The following PACS1 variants were observed in gnomAD, a reference collection of about 807,000 sequenced individuals.
The protein encoded by PACS1 is PACS-1.
In PACS1, 24 loss-of-function variants were observed where a neutral mutation model predicts 115.0. That is an observed-to-expected ratio of 0.21 (90% CI 0.15 to 0.29). The LOEUF (loss-of-function observed/expected upper bound fraction) is 0.29, where lower values mean the gene tolerates loss of function less well. PACS1 is among the 10% of genes least tolerant of loss of function. The probability of loss-of-function intolerance (pLI) is 1.00; values close to 1 mark genes in which losing one functional copy is unlikely to be tolerated. For synonymous variants in PACS1, 453 were observed against 504.5 expected, an observed-to-expected ratio of 0.90 and a Z score of 1.37; for missense variants, 838 against 1,251.2, an observed-to-expected ratio of 0.67 and a Z score of 4.98.
At chr11:66,231,182 T>G (rs1437126767) in intron 13 of PACS1, among the ~76,000 whole-genome samples, 1 of 152,262 alleles carries the variant, frequency 6.6e-6, no homozygotes, top group African/African-American at 2.4e-5. Context: ...AAAAACGCTG[T>G]GTGGTCGTGG....
At chr11:66,211,759 T>G (rs1855075778) in intron 4 of PACS1, among the ~76,000 whole-genome samples, 1 of 152,140 alleles carries the variant, frequency 6.6e-6, no homozygotes, top group Non-Finnish European at 1.5e-5. Flanking sequence ...ACACTAACGT[T>G]GAGATAAGAT....
rs546634708 is a variant in PACS1 at position 66,230,798 on chromosome 11, C to G, written c.1491-7C>G. The G allele has an allele frequency of 1.2e-6, 2 of 1,614,080 alleles. No individual in the cohort carries two copies. Among genetic ancestry groups the G allele is most frequent in the African/African-American group, 1.3e-5 (1 of 75,044 alleles). On this transcript the variant is annotated splice_region_variant and splice_polypyrimidine_tract_variant and intron_variant, in intron 12 of 23. Transcript: ENST00000320580. ...ATTTCACCAGCCTTTTTCCACCTCC[C>G]TGGCAGCAAAGTGGAGGGGGTGCAC...
intron 1 of PACS1, among the ~76,000 whole-genome samples, chr11:66,090,073 G>A (rs1466585685): frequency 6.7e-6 from 1 of 150,336 alleles, no homozygotes; most frequent in South Asian, 2.1e-4. Flanking sequence ...CTTCTTTGCC[G>A]GGACTGTGGG....
intron 2 of PACS1, among the ~76,000 whole-genome samples, chr11:66,194,699 G>A (rs1854609809): frequency 6.6e-6 from 1 of 152,136 alleles, no homozygotes; most frequent in African/African-American, 2.4e-5. Flanking sequence ...TAAGGATGGT[G>A]TATTTACTGA....
chr11:66,147,757 AAAAG>A (rs762719772), intron 1 of PACS1, among the ~76,000 whole-genome samples: 1 of 152,130 alleles, frequency 6.6e-6, no homozygotes, highest in East Asian at 1.9e-4. Context: ...AATTGGTACA[AAAAG>A]AAAGAATGAA....
intron 1 of PACS1, chr11:66,100,698 A>G (rs1857897566): frequency 4.7e-6 from 2 of 428,320 alleles, no homozygotes; most frequent in Non-Finnish European, 9.5e-6. Flanking sequence ...GCGGCACTCA[A>G]GTGAGGTGGG....
intron 1 of PACS1, among the ~76,000 whole-genome samples, chr11:66,077,679 C>T (rs1857419559): frequency 6.7e-6 from 1 of 148,884 alleles, no homozygotes; most frequent in East Asian, 2.0e-4. Flanking sequence ...TAATTTTGTG[C>T]AGATCCTTTT....
chr11:66,089,229 C>G (rs886369808), intron 1 of PACS1, among the ~76,000 whole-genome samples: 2 of 152,172 alleles, frequency 1.3e-5, no homozygotes, highest in Non-Finnish European at 2.9e-5. Context: ...AGTGAATTCT[C>G]AATCATTGTG....
At chr11:66,076,002 G>T (rs1455865166) in intron 1 of PACS1, among the ~76,000 whole-genome samples, 2 of 152,196 alleles carry the variant, frequency 1.3e-5, no homozygotes, top group Non-Finnish European at 2.9e-5. Context: ...CTTCCAAAGT[G>T]CTGGGATTAC....
intron 10 of PACS1, among the ~76,000 whole-genome samples, chr11:66,223,149 A>G (rs1018431966): frequency 1.3e-5 from 2 of 151,654 alleles, no homozygotes; most frequent in Non-Finnish European, 2.9e-5. Flanking sequence ...CAGGAGTGCA[A>G]TGGAGCGATC....
chr11:66,070,592 CA>C lies in PACS1; in HGVS notation c.107del (p.Gln36ArgfsTer66). The C allele has an allele frequency of 6.6e-7, 1 of 1,506,696 alleles. No individual in the cohort carries two copies. Among genetic ancestry groups the C allele is most frequent in the Admixed American group, 2.1e-5 (1 of 48,174 alleles). The allele number at this position is 1,506,696 out of a possible 1,614,324, so 93.3% of individuals were successfully genotyped here. ...GTCCCCTCAGCAGCCGCCGCCGCAG[CA>C]GCAGCAGCAGCAGCCGCCGCAGCAG... ...AQSPQQPPPQ[Q>X]QQQQPPQQPT... On this transcript the variant is annotated frameshift_variant, in exon 1 of 24. Transcript: ENST00000320580. LOFTEE classifies it high-confidence loss of function. The surrounding 1 kb of genome is among the most constrained non-coding windows in gnomAD (Gnocchi z 5.9).
intron 1 of PACS1, among the ~76,000 whole-genome samples, chr11:66,151,056 C>T (rs541771546): frequency 6.6e-6 from 1 of 152,194 alleles, no homozygotes; most frequent in East Asian, 1.9e-4. Context: ...GAGAGGACTA[C>T]AGAAAGGGGG....
At chr11:66,225,462 C>G (rs1855453235) in intron 10 of PACS1, among the ~76,000 whole-genome samples, 2 of 152,108 alleles carry the variant, frequency 1.3e-5, no homozygotes, top group African/African-American at 4.8e-5. Context: ...CTGGAAGAGC[C>G]AGTAAATAGC....
chr11:66,239,134 C>A lies in PACS1; in HGVS notation c.2294-8C>A. On this transcript the variant is annotated splice_region_variant and splice_polypyrimidine_tract_variant and intron_variant, in intron 20 of 23. Coordinates refer to ENST00000320580, the MANE Select transcript of PACS1 (RefSeq NM_018026.4). ...GGCCAACTGTGTTTGTCGTTTGTCCCCTGACAGGCGATGGGGACGATTCTC... is the reference window on the plus strand; with the variant it reads ...GGCCAACTGTGTTTGTCGTTTGTCCACTGACAGGCGATGGGGACGATTCTC... The A allele has an allele frequency of 1.2e-6, 2 of 1,614,158 alleles. No homozygotes were observed. Among genetic ancestry groups the A allele is most frequent in the Non-Finnish European group, 1.7e-6 (2 of 1,180,010 alleles).
At chr11:66,180,829 T>C (rs1859993736) in intron 1 of PACS1, among the ~76,000 whole-genome samples, 1 of 152,138 alleles carries the variant, frequency 6.6e-6, no homozygotes, top group Non-Finnish European at 1.5e-5. Flanking sequence ...TAACAGATTT[T>C]TTAATTTTTT....
chr11:66,231,917 C>G (rs1194344322), intron 13 of PACS1: 14 of 397,456 alleles, frequency 3.5e-5, no homozygotes, highest in Non-Finnish European at 9.2e-6. Flanking sequence ...ATCCTCTCCA[C>G]CTGCCCTGGC....
In PACS1 at chr11:66,210,456, G is replaced by A; in HGVS notation, c.534+5G>A. ...CAATTAACCTTCTCCCTTCAGGTGA[G>A]ACTCTCCTAATCTTAGGCCCCTAAC... is the stretch of plus-strand genomic sequence containing the variant. On this transcript the variant is annotated splice_donor_5th_base_variant and intron_variant, in intron 3 of 23. Coordinates refer to ENST00000320580, the MANE Select transcript of PACS1 (RefSeq NM_018026.4). 6.3e-7 allele frequency: 1 copy of A among 1,596,816 alleles called. No homozygotes were observed. The highest frequency in any genetic ancestry group is 8.6e-7 in the Non-Finnish European group (1 of 1,164,280).
At chr11:66,180,646 C>T (rs1859988805) in intron 1 of PACS1, among the ~76,000 whole-genome samples, 1 of 152,132 alleles carries the variant, frequency 6.6e-6, no homozygotes, top group Non-Finnish European at 1.5e-5. Flanking sequence ...CGCCACCGCA[C>T]CCAGCCTTAT....
chr11:66,156,204 T>TTTTATATA (rs1273222877), intron 1 of PACS1, among the ~76,000 whole-genome samples: 6 of 85,062 alleles, frequency 7.1e-5, no homozygotes, highest in African/African-American at 2.5e-4. Flanking sequence ...ATTTTTTAAA[T>TTTTATATA]TATATATATA....
Sources: allele counts gnomAD v4.1 joint callset (sites outside exome capture counted in the v4.1 genomes callset), GRCh38; gene constraint gnomAD v4.1.1; non-coding constraint Gnocchi (gnomAD v3.1); transcripts MANE v1.5; gene names NCBI Gene and HGNC (gene_info 2026-07-23, HGNC 2026-07-21).